Variants in WDR19 observed in about 807,000 individuals in gnomAD.
WDR19 encodes WD repeat domain 19.
Under a neutral mutation model 180.0 loss-of-function variants are expected in WDR19, and 121 were observed. The observed-to-expected ratio is 0.67, with a 90% CI of 0.58 to 0.78. The LOEUF is 0.78. WDR19 is among the 30% of genes least tolerant of loss of function. The pLI is 0.00. For synonymous variants in WDR19, 497 were observed against 540.7 expected, an observed-to-expected ratio of 0.92 and a Z score of 1.12; for missense variants, 1,450 against 1,640.7, an observed-to-expected ratio of 0.88 and a Z score of 2.01.
rs758042086 is a variant in WDR19 at position 39,228,519 on chromosome 4, T to C, written c.1811T>C (p.Val604Ala). The change falls in exon 17 of 37, where the codon GTT (valine) becomes GCT (alanine). Residue 604 changes from valine to alanine, a missense_variant. Val to Ala is a moderately conservative substitution (Grantham distance 64). Coordinates refer to ENST00000399820, the MANE Select transcript of WDR19 (RefSeq NM_025132.4). ...GTTATTTTGGCTGGTAGCACCAAAG[T>C]TCCTTTTGCTCATAAACCTTTGCTG... ...AKVILAGSTK[V>A]PFAHKPLLLY... 1 of 1,613,900 alleles carries C rather than the reference T, an allele frequency of 6.2e-7. No individual in the cohort carries two copies. Among genetic ancestry groups the C allele is most frequent in the South Asian group, 1.1e-5 (1 of 91,060 alleles).
chr4:39,196,823 C>T (rs1452095669), intron 5 of WDR19, among the ~76,000 whole-genome samples: 1 of 152,242 alleles, frequency 6.6e-6, no homozygotes, highest in African/African-American at 2.4e-5. Context: ...GTTCTTCCCT[C>T]CTCATTTGTC....
chr4:39,232,575 G>A (rs1339556113), intron 19 of WDR19, among the ~76,000 whole-genome samples: 1 of 152,028 alleles, frequency 6.6e-6, no homozygotes, highest in African/African-American at 2.4e-5. Context: ...CAGTGAGCCT[G>A]TAATCCCAGC....
At chr4:39,255,232 T>TG (rs1264720337) in intron 26 of WDR19, among the ~76,000 whole-genome samples, 1 of 152,156 alleles carries the variant, frequency 6.6e-6, no homozygotes, top group South Asian at 2.1e-4. Context: ...TGTATATTGG[T>TG]GGGGGGTGTG....
At chr4:39,267,363 A>C (rs1341791363) in intron 29 of WDR19, among the ~76,000 whole-genome samples, 1 of 152,202 alleles carries the variant, frequency 6.6e-6, no homozygotes, top group East Asian at 1.9e-4. Context: ...AGATAAAGCC[A>C]CAGAGACCCA....
chr4:39,232,092 A>C, intron 18 of WDR19, 70 bp from the exon 19 acceptor site: 4 of 1,542,978 alleles, frequency 2.6e-6, no homozygotes, highest in Non-Finnish European at 3.5e-6. Context: ...CTACTGATCA[A>C]AGTCCTTAAA....
chr4:39,280,129 T>TG (rs1736345671), intron 36 of WDR19, among the ~76,000 whole-genome samples: 1 of 112,298 alleles, frequency 8.9e-6, no homozygotes, highest in Non-Finnish European at 2.1e-5. Context: ...GTTTTTTTTT[T>TG]TTTTTTTTTT....
chr4:39,236,861 A>G (rs1731436450), intron 20 of WDR19, among the ~76,000 whole-genome samples: 1 of 152,224 alleles, frequency 6.6e-6, no homozygotes, highest in South Asian at 2.1e-4. Flanking sequence ...TTAATTGTCA[A>G]TAGTCTTAAT....
In WDR19 at chr4:39,274,856, G is replaced by C. The variant is rs1487657507; in HGVS notation, c.3614G>C (p.Gly1205Ala). The C allele has an allele frequency of 6.2e-7, 1 of 1,613,996 alleles. No individual in the cohort carries two copies. Among genetic ancestry groups the C allele is most frequent in the Admixed American group, 1.7e-5 (1 of 60,022 alleles). The part of the protein sequence containing the change: ...TSTVIECHRA[G>A]LKNSAFSFAA... ...ACTGTGATTGAGTGTCACAGGGCAG[G>C]CCTGAAGAACTCTGCTTTCAGCTTC... The change falls in exon 33 of 37, where the codon GGC becomes GCC. Residue 1205 changes from glycine to alanine, a missense_variant. Gly to Ala is a moderately conservative substitution (Grantham distance 60). Coordinates refer to ENST00000399820, the MANE Select transcript of WDR19 (RefSeq NM_025132.4).
intron 27 of WDR19, among the ~76,000 whole-genome samples, chr4:39,256,962 T>C (rs765981015): frequency 1.1e-4 from 17 of 152,360 alleles, no homozygotes; most frequent in Non-Finnish European, 2.1e-4. Context: ...CCAGTCCATT[T>C]GTCTTTTTAT....
rs7668367 is a variant in WDR19 at position 39,261,829 on chromosome 4, T to G, written c.3184-4234T>G. Among the ~76,000 whole-genome samples, 1,171 of 152,370 alleles carry G rather than the reference T, an allele frequency of 7.7e-3. 10 individuals carry two copies. Among genetic ancestry groups the G allele is most frequent in the Non-Finnish European group, 0.013 (878 of 68,030 alleles). On this transcript the variant is annotated intron_variant, in intron 28 of 36. Coordinates refer to ENST00000399820, the MANE Select transcript of WDR19 (RefSeq NM_025132.4). ...TCATTGTTGTGTTTCTAATGGACTT[T>G]GTTAAATTTTATTAAGGCCAAGGAC...
chr4:39,284,567 G>A (rs548519004), intron 36 of WDR19, among the ~76,000 whole-genome samples: 2 of 145,988 alleles, frequency 1.4e-5, no homozygotes, highest in South Asian at 2.2e-4. Context: ...TTGAACTCCT[G>A]GACTCAAGTG....
At position 39,285,690 on chromosome 4, in the gene WDR19, GTCTT is replaced by G. The variant is rs966857888; in HGVS notation, c.*222_*225del. The G allele has an allele frequency of 2.0e-5, 3 of 152,264 alleles. No homozygotes were observed. Among genetic ancestry groups the G allele is most frequent in the South Asian group, 4.1e-4 (2 of 4,822 alleles). 9.4% of individuals were successfully genotyped at this position (152,264 alleles called of 1,614,324 possible). On this transcript the variant is annotated 3_prime_UTR_variant, in exon 37 of 37. Coordinates refer to ENST00000399820, the MANE Select transcript of WDR19 (RefSeq NM_025132.4). ...CTTTGTATATTATTTCCTCTTCAAAGTCTTTCTTACACACTCTATCCTCTGCACT... is the reference window on the plus strand; with the variant it reads ...CTTTGTATATTATTTCCTCTTCAAAGTCTTACACACTCTATCCTCTGCACT...
At chr4:39,228,799 C>T (rs1730561253) in intron 17 of WDR19, 109 bp downstream of exon 17, 1 of 1,235,130 alleles carries the variant, frequency 8.1e-7, no homozygotes, top group Non-Finnish European at 1.1e-6. Context: ...TTTATCCTTG[C>T]AAGAATTTTT....
intron 4 of WDR19, among the ~76,000 whole-genome samples, chr4:39,191,191 T>C (rs975929973): frequency 6.6e-6 from 1 of 152,254 alleles, no homozygotes; most frequent in Admixed American, 6.5e-5. Flanking sequence ...AGGACTTTTG[T>C]ATATACAAAA....
chr4:39,231,315 CA>C (rs56002679), intron 17 of WDR19, among the ~76,000 whole-genome samples: 195 of 87,274 alleles, frequency 2.2e-3, no homozygotes, highest in African/African-American at 5.9e-3. Flanking sequence ...ACTCCGTCTT[CA>C]AAAAAAAAAA....
At chr4:39,188,252 C>T (rs1374110527) in intron 3 of WDR19, among the ~76,000 whole-genome samples, 3 of 151,686 alleles carry the variant, frequency 2.0e-5, no homozygotes, top group African/African-American at 4.8e-5. Flanking sequence ...AAAATAACAT[C>T]AGAAAAGAAA....
chr4:39,282,328 C>T (rs181374754), intron 36 of WDR19, among the ~76,000 whole-genome samples: 1 of 152,150 alleles, frequency 6.6e-6, no homozygotes, highest in African/African-American at 2.4e-5. Flanking sequence ...AGCAGTCTGC[C>T]AATCTATGAA....
At chr4:39,251,628 T>C (rs1315225466) in intron 24 of WDR19, among the ~76,000 whole-genome samples, 1 of 152,110 alleles carries the variant, frequency 6.6e-6, no homozygotes, top group East Asian at 1.9e-4. Flanking sequence ...AAAGGGCTAA[T>C]ATCCAGAATC....
At chr4:39,238,793 G>A (rs912769409) in intron 20 of WDR19, among the ~76,000 whole-genome samples, 4 of 152,154 alleles carry the variant, frequency 2.6e-5, no homozygotes, top group Non-Finnish European at 5.9e-5. Context: ...CTCAAATCAT[G>A]CCATTTCAGA....
Sources: gnomAD v4.1 joint callset for allele counts (sites outside exome capture counted in the v4.1 genomes callset) on GRCh38, gnomAD v4.1.1 for gene constraint, MANE v1.5 for transcripts, NCBI Gene and HGNC (gene_info 2026-07-23, HGNC 2026-07-21) for gene names.